Variants in NRXN1 observed in about 807,000 individuals in gnomAD.
NRXN1 encodes neurexin 1, also known as neurexin-1.
NRXN1 carries 39 observed loss-of-function variants against 150.9 expected under a neutral mutation model. That is an observed-to-expected ratio of 0.26 (90% CI 0.20 to 0.34). The LOEUF (loss-of-function observed/expected upper bound fraction) is 0.34, where lower values mean the gene tolerates loss of function less well. NRXN1 is among the 10% of genes least tolerant of loss of function. The pLI is 1.00. For missense variants in NRXN1, 1,815 were observed against 1,949.9 expected, an observed-to-expected ratio of 0.93 and a Z score of 1.30; for synonymous variants, 924 against 757.0, an observed-to-expected ratio of 1.22 and a Z score of -3.62.
chr2:50,291,328 C>A (rs2882688), intron 17 of NRXN1, among the ~76,000 whole-genome samples: 3,420 of 152,154 alleles, frequency 0.022, 114 homozygotes, highest in African/African-American at 0.079. Context: ...TATTTTAAAA[C>A]GAGTTAAGAG....
At chr2:50,594,226 A>G (rs1674777615) in intron 8 of NRXN1, among the ~76,000 whole-genome samples, 1 of 152,232 alleles carries the variant, frequency 6.6e-6, no homozygotes, top group African/African-American at 2.4e-5. Flanking sequence ...ACTACATATC[A>G]CAACTATAGA....
At chr2:50,002,319 C>T (rs533806597) in intron 21 of NRXN1, among the ~76,000 whole-genome samples, 2 of 152,274 alleles carry the variant, frequency 1.3e-5, no homozygotes, top group South Asian at 2.1e-4. Flanking sequence ...AGCTTATTTT[C>T]TCAGTGCTCT....
chr2:50,289,851 A>G (rs2072689164), intron 17 of NRXN1, among the ~76,000 whole-genome samples: 1 of 152,196 alleles, frequency 6.6e-6, no homozygotes, highest in Admixed American at 6.5e-5. Context: ...TCCATTCCAT[A>G]ATCAGCTAAC....
At chr2:50,335,106 A>C (rs1476955879) in intron 17 of NRXN1, among the ~76,000 whole-genome samples, 4 of 152,212 alleles carry the variant, frequency 2.6e-5, no homozygotes. Flanking sequence ...TCTAATACAC[A>C]GTCCCCAAAA....
At chr2:50,098,830 GTTTTTT>G (rs746736925) in intron 18 of NRXN1, among the ~76,000 whole-genome samples, 9 of 105,566 alleles carry the variant, frequency 8.5e-5, no homozygotes, top group African/African-American at 2.4e-4. Context: ...TTTGGTTTTA[GTTTTTT>G]TTTTTTTTTT....
chr2:50,488,626 T>G (rs1263518879), intron 15 of NRXN1, among the ~76,000 whole-genome samples: 1 of 152,182 alleles, frequency 6.6e-6, no homozygotes, highest in Non-Finnish European at 1.5e-5. Context: ...TGGGTTCCTG[T>G]AATGCTACAT....
chr2:50,875,629 G>A (rs1331923660), intron 5 of NRXN1, among the ~76,000 whole-genome samples: 6 of 151,620 alleles, frequency 4.0e-5, no homozygotes, highest in Non-Finnish European at 8.8e-5. Flanking sequence ...CTCCTCAATT[G>A]AGATTTTATT....
At chr2:50,880,424 C>T (rs967108239) in intron 5 of NRXN1, among the ~76,000 whole-genome samples, 1 of 151,922 alleles carries the variant, frequency 6.6e-6, no homozygotes, top group Non-Finnish European at 1.5e-5. Context: ...TATGTGATCA[C>T]ATATTACATG....
chr2:50,804,198 T>C (rs921240158), intron 5 of NRXN1, among the ~76,000 whole-genome samples: 3 of 152,192 alleles, frequency 2.0e-5, no homozygotes, highest in African/African-American at 7.2e-5. Flanking sequence ...ATTTTATTAA[T>C]TGGATCAATT....
At chr2:50,468,679 C>T (rs2089168615) in intron 16 of NRXN1, among the ~76,000 whole-genome samples, 1 of 151,342 alleles carries the variant, frequency 6.6e-6, no homozygotes, top group African/African-American at 2.4e-5. Flanking sequence ...GGTGTCTCTG[C>T]TTTCAAGTAA....
intron 15 of NRXN1, among the ~76,000 whole-genome samples, chr2:50,481,107 G>A (rs1313658488): frequency 2.0e-5 from 3 of 152,146 alleles, no homozygotes; most frequent in Admixed American, 6.5e-5. Context: ...ACCAGAACAG[G>A]GCAGGGTCTT....
At chr2:50,626,647 G>A (rs1412046583) in intron 5 of NRXN1, among the ~76,000 whole-genome samples, 1 of 151,868 alleles carries the variant, frequency 6.6e-6, no homozygotes, top group Non-Finnish European at 1.5e-5. Context: ...TTAATTTAGA[G>A]AGGCAATCTG....
chr2:50,104,399 G>C (rs1252425431), intron 18 of NRXN1, among the ~76,000 whole-genome samples: 1 of 151,974 alleles, frequency 6.6e-6, no homozygotes, highest in Non-Finnish European at 1.5e-5. Flanking sequence ...ACCTAATAGA[G>C]AAGGTAAAAA....
At position 50,517,784 on chromosome 2, in the gene NRXN1, T is replaced by TA. The variant is rs543787155; in HGVS notation, c.2374+10840dup. On this transcript the variant is annotated intron_variant, in intron 12 of 22. Transcript: ENST00000401669. ...TCAAAACTTACTGAGTATTTAATTA[T>TA]AAAAAAACACAGATCTTGTCCTCAA... 3.3e-3 allele frequency among the ~76,000 whole-genome samples: 506 copies of TA among 152,240 alleles called. 5 individuals are homozygous for TA. Among genetic ancestry groups the TA allele is most frequent in the African/African-American group, 0.011 (466 of 41,552 alleles).
In NRXN1 at chr2:50,822,414, A is replaced by G. The variant is rs530691625; in HGVS notation, c.832+99455T>C. ...ATTAGTTATATTTAAGTGATTGAACAACAAATAAGGAAAGTCTTAAAAATA... is the reference window on the plus strand; with the variant it reads ...ATTAGTTATATTTAAGTGATTGAACGACAAATAAGGAAAGTCTTAAAAATA... On this transcript the variant is annotated intron_variant, in intron 5 of 22. Transcript: ENST00000401669. Among the ~76,000 whole-genome samples the G allele has an allele frequency of 5.3e-5, 8 of 152,288 alleles. No individual in the cohort carries two copies. The South Asian group carries it at 1.7e-3, about 32-fold the overall frequency.
intron 15 of NRXN1, among the ~76,000 whole-genome samples, chr2:50,494,887 C>G (rs142979781): frequency 6.6e-6 from 1 of 151,778 alleles, no homozygotes; most frequent in Non-Finnish European, 1.5e-5. Flanking sequence ...CAAAATTAGC[C>G]GGGCGTGGTG....
At chr2:50,598,272 C>T (rs1025550195) in intron 8 of NRXN1, among the ~76,000 whole-genome samples, 1 of 152,094 alleles carries the variant, frequency 6.6e-6, no homozygotes, top group Non-Finnish European at 1.5e-5. Flanking sequence ...ACTGCACTGA[C>T]ATCACAGCAC....
At chr2:50,554,619 T>C (rs918396706) in intron 8 of NRXN1, 1 of 152,204 alleles carries the variant, frequency 6.6e-6, no homozygotes, top group Non-Finnish European at 1.5e-5. Context: ...AAATATTAAC[T>C]ACGTAAAATA....
chr2:50,471,861 A>C (rs2089501213), intron 16 of NRXN1, among the ~76,000 whole-genome samples: 2 of 151,958 alleles, frequency 1.3e-5, no homozygotes, highest in East Asian at 3.9e-4. Context: ...ACAAACTTGC[A>C]CATGTACCCC....
Sources: allele counts gnomAD v4.1 joint callset (sites outside exome capture counted in the v4.1 genomes callset), GRCh38; gene constraint gnomAD v4.1.1; transcripts MANE v1.5; gene names NCBI Gene and HGNC (gene_info 2026-07-23, HGNC 2026-07-21).